The following PROM1 variants were observed in gnomAD, a reference collection of about 807,000 sequenced individuals.
PROM1 encodes prominin 1, also known as prominin-1.
In PROM1, 105 loss-of-function variants were observed where a neutral mutation model predicts 116.9. The observed-to-expected ratio is 0.90, with a 90% confidence interval of 0.77 to 1.06. PROM1 has a LOEUF of 1.06. PROM1 is among the 50% of genes least tolerant of loss of function. The probability of loss-of-function intolerance (pLI) is 0.00; values close to 1 mark genes in which losing one functional copy is unlikely to be tolerated. For synonymous variants in PROM1, 393 were observed against 387.0 expected, an observed-to-expected ratio of 1.02 and a Z score of -0.18; for missense variants, 1,122 against 1,045.2, an observed-to-expected ratio of 1.07 and a Z score of -1.01.
intron 13 of PROM1, among the ~76,000 whole-genome samples, chr4:16,004,784 G>A (rs1393678435): frequency 6.7e-6 from 1 of 150,094 alleles, no homozygotes; most frequent in Non-Finnish European, 1.5e-5. Context: ...TTTCTTCTCT[G>A]TCCACAGGTA....
intron 27 of PROM1, among the ~76,000 whole-genome samples, chr4:15,970,690 C>T (rs1714303239): frequency 6.6e-6 from 1 of 152,136 alleles, no homozygotes; most frequent in Non-Finnish European, 1.5e-5. Context: ...CCGCTACACA[C>T]ATCCTCCTAC....
chr4:15,974,759 C>T lies in PROM1; in HGVS notation c.2583-3677G>A, dbSNP rs116496440. ...GTGCTGGGATTAAAGGCGTGAGCCACCGCATCAGCCAGAGTCTTTTCTAGA... is the reference window on the plus strand; with the variant it reads ...GTGCTGGGATTAAAGGCGTGAGCCATCGCATCAGCCAGAGTCTTTTCTAGA... On this transcript the variant is annotated intron_variant, in intron 26 of 27. Transcript: ENST00000447510. 7.1e-3 allele frequency among the ~76,000 whole-genome samples: 1,079 copies of T among 152,358 alleles called. 11 individuals carry two copies. The highest frequency in any genetic ancestry group is 0.024 in the African/African-American group (1,008 of 41,584).
At chr4:16,037,297 G>A (rs1310885315) in intron 3 of PROM1, among the ~76,000 whole-genome samples, 2 of 152,172 alleles carry the variant, frequency 1.3e-5, no homozygotes, top group Non-Finnish European at 1.5e-5. Context: ...ATCACATTGG[G>A]AGATATAAAT....
At chr4:15,976,698 C>T (rs1716219639) in intron 26 of PROM1, among the ~76,000 whole-genome samples, 1 of 152,242 alleles carries the variant, frequency 6.6e-6, no homozygotes, top group Admixed American at 6.5e-5. Context: ...GCTGTCTTGT[C>T]AACTTGCACA....
rs73232523 is a variant in PROM1, at chr4:16,067,813, T to C, written c.220+7874A>G. Among the ~76,000 whole-genome samples, 275 of 152,040 alleles carry C rather than the reference T, an allele frequency of 1.8e-3. 2 individuals carry two copies. The highest frequency in any genetic ancestry group is 3.4e-3 in the Middle Eastern group (1 of 294). On this transcript the variant is annotated intron_variant, in intron 2 of 27. Transcript: ENST00000447510. ...CCGCTTCTCTCTGCCTCTGAGGCCATGGTGACAGTGAGGGCCCACAGCAGC... is the reference window on the plus strand; with the variant it reads ...CCGCTTCTCTCTGCCTCTGAGGCCACGGTGACAGTGAGGGCCCACAGCAGC...
chr4:15,991,073 C>T (rs955678863), intron 18 of PROM1, 149 bp downstream of exon 18: 13 of 650,750 alleles, frequency 2.0e-5, no homozygotes, highest in African/African-American at 5.8e-5. Context: ...TGGCTGTGGA[C>T]GGAAACGTAA....
At chr4:15,971,296 G>C in intron 26 of PROM1, 1 of 521,710 alleles carries the variant, frequency 1.9e-6, no homozygotes, top group Non-Finnish European at 3.4e-6. Flanking sequence ...AGATAAAGAG[G>C]ATAAACAGAC....
At chr4:15,999,272 C>T (rs929737116) in intron 14 of PROM1, among the ~76,000 whole-genome samples, 3 of 152,026 alleles carry the variant, frequency 2.0e-5, no homozygotes, top group Middle Eastern at 3.4e-3. Context: ...GAGATCGAGA[C>T]CATCCTGGCT....
At chr4:16,019,326 A>T (rs961248367) in intron 8 of PROM1, among the ~76,000 whole-genome samples, 8 of 152,218 alleles carry the variant, frequency 5.3e-5, no homozygotes, top group African/African-American at 1.9e-4. Context: ...TTGAATTTTG[A>T]ATTTTGAACT....
intron 2 of PROM1, among the ~76,000 whole-genome samples, chr4:16,051,156 T>G (rs1737787353): frequency 6.6e-6 from 1 of 152,100 alleles, no homozygotes; most frequent in African/African-American, 2.4e-5. Flanking sequence ...GGGAAAAAAC[T>G]CCAGGGACAG....
chr4:16,064,685 G>A (rs560330369), intron 2 of PROM1, among the ~76,000 whole-genome samples: 17 of 152,270 alleles, frequency 1.1e-4, no homozygotes, highest in African/African-American at 2.4e-4. Context: ...CTGAGGTCAC[G>A]AGTTCGAGAC....
chr4:16,071,322 A>G (rs1002934984), intron 2 of PROM1, among the ~76,000 whole-genome samples: 2 of 152,008 alleles, frequency 1.3e-5, no homozygotes, highest in Non-Finnish European at 2.9e-5. Flanking sequence ...AGGCTTCCTC[A>G]CCTTCCTTCT....
intron 25 of PROM1, 22 bp from the exon 26 acceptor site, chr4:15,979,485 CA>C: frequency 6.3e-7 from 1 of 1,589,776 alleles, no homozygotes; most frequent in Admixed American, 1.7e-5. Flanking sequence ...ATAAATACAC[CA>C]AAAACACCAT....
intron 5 of PROM1, among the ~76,000 whole-genome samples, chr4:16,025,695 G>A (rs976644070): frequency 6.8e-6 from 1 of 145,988 alleles, no homozygotes; most frequent in African/African-American, 2.7e-5. Flanking sequence ...GTGAACATAT[G>A]CATGTGTGTG....
At chr4:16,001,511 A>C (rs984252810) in intron 13 of PROM1, among the ~76,000 whole-genome samples, 2 of 152,180 alleles carry the variant, frequency 1.3e-5, no homozygotes, top group East Asian at 1.9e-4. Flanking sequence ...AGGAGGGGCC[A>C]GCAAACCAGA....
intron 18 of PROM1, among the ~76,000 whole-genome samples, chr4:15,990,156 AC>A: frequency 6.6e-6 from 1 of 152,330 alleles, no homozygotes; most frequent in African/African-American, 2.4e-5. Flanking sequence ...TTTTTATTTA[AC>A]CCACACTCAA....
At chr4:16,060,706 T>A (rs574883660) in intron 2 of PROM1, among the ~76,000 whole-genome samples, 2 of 152,194 alleles carry the variant, frequency 1.3e-5, no homozygotes, top group Non-Finnish European at 2.9e-5. Flanking sequence ...AACTTGGTGA[T>A]CATTAATTAC....
chr4:15,974,750 C>T (rs915150953), intron 26 of PROM1, among the ~76,000 whole-genome samples: 9 of 152,078 alleles, frequency 5.9e-5, no homozygotes, highest in Non-Finnish European at 8.8e-5. Flanking sequence ...GGATTAAAGG[C>T]GTGAGCCACC....
intron 3 of PROM1, among the ~76,000 whole-genome samples, chr4:16,037,547 G>A (rs1380455849): frequency 6.6e-6 from 1 of 152,130 alleles, no homozygotes; most frequent in Admixed American, 6.5e-5. Flanking sequence ...CTGGGCAAAA[G>A]GGAACTGCCT....
Sources: allele counts gnomAD v4.1 joint callset (sites outside exome capture counted in the v4.1 genomes callset), GRCh38; gene constraint gnomAD v4.1.1; transcripts MANE v1.5; gene names NCBI Gene and HGNC (gene_info 2026-07-23, HGNC 2026-07-21).